DGKB: variants seen among roughly 807,000 people sequenced by gnomAD.
DGKB encodes the protein 90 kDa diacylglycerol kinase.
In DGKB, 67 loss-of-function variants were observed where a neutral mutation model predicts 114.3. That is an observed-to-expected ratio of 0.59 (90% CI 0.48 to 0.72). DGKB has a LOEUF of 0.72. DGKB is among the 30% of genes least tolerant of loss of function. DGKB has a pLI of 0.00. For missense variants in DGKB, 907 were observed against 975.2 expected (o/e 0.93, Z 0.93); for synonymous variants, 398 against 323.1 (o/e 1.23, Z -2.49).
rs532321284 is a variant in DGKB, at chr7:14,537,941, G to A, written c.1770+36271C>T. 1.7e-3 allele frequency among the ~76,000 whole-genome samples: 261 copies of A among 152,084 alleles called. 1 individual carries two copies. Among genetic ancestry groups the A allele is most frequent in the Admixed American group, 3.1e-3 (48 of 15,260 alleles). On this transcript the variant is annotated intron_variant, in intron 20 of 25. Transcript: ENST00000402815. ...ACTAATAATACAAAATTAGCCAGGC[G>A]TGGCGGCGCATGCCTGTAATACCAG...
At chr7:14,613,469 G>C in intron 15 of DGKB, 56 bp from the exon 16 acceptor site, 910 of 817,280 alleles carry the variant, frequency 1.1e-3, no homozygotes, top group Non-Finnish European at 1.6e-3. Context: ...ATATGAAGAA[G>C]ACTCCTTGTT....
chr7:14,634,540 T>G (rs1025695961), intron 13 of DGKB, among the ~76,000 whole-genome samples: 1 of 150,146 alleles, frequency 6.7e-6, no homozygotes, highest in Non-Finnish European at 1.5e-5. Flanking sequence ...AAAAACTGGC[T>G]TGAATAATGT....
At chr7:14,387,162 G>T (rs531209362) in intron 21 of DGKB, among the ~76,000 whole-genome samples, 1 of 151,530 alleles carries the variant, frequency 6.6e-6, no homozygotes, top group Non-Finnish European at 1.5e-5. Flanking sequence ...GGTGGCTCAC[G>T]CCTGTAATCC....
intron 21 of DGKB, among the ~76,000 whole-genome samples, chr7:14,410,354 T>G (rs906324174): frequency 6.6e-6 from 1 of 151,998 alleles, no homozygotes; most frequent in African/African-American, 2.4e-5. Context: ...TTCTATTCAT[T>G]TTTCTCCAAA....
At chr7:14,603,042 A>G (rs1018452733) in intron 17 of DGKB, among the ~76,000 whole-genome samples, 3 of 152,200 alleles carry the variant, frequency 2.0e-5, no homozygotes, top group African/African-American at 7.2e-5. Flanking sequence ...CTAAAGGCCT[A>G]CAATGACTCA....
At chr7:14,572,459 AAG>A (rs1337241065) in intron 20 of DGKB, among the ~76,000 whole-genome samples, 38 of 151,348 alleles carry the variant, frequency 2.5e-4, no homozygotes, top group Non-Finnish European at 8.8e-5. Context: ...CTCAAAAAAA[AAG>A]AAAAAAAAAA....
intron 21 of DGKB, among the ~76,000 whole-genome samples, chr7:14,357,429 C>CTT (rs1035320000): frequency 2.0e-5 from 3 of 151,844 alleles, no homozygotes; most frequent in African/African-American, 7.3e-5. Context: ...CCCTGCTTTA[C>CTT]TTTGCTTTCC....
At chr7:14,528,220 C>G (rs1165899663) in intron 20 of DGKB, among the ~76,000 whole-genome samples, 1 of 152,092 alleles carries the variant, frequency 6.6e-6, no homozygotes, top group East Asian at 1.9e-4. Flanking sequence ...TTCCACTGCA[C>G]TGACAGCTGC....
At chr7:14,582,649 C>G (rs564458176) in intron 18 of DGKB, among the ~76,000 whole-genome samples, 5 of 151,982 alleles carry the variant, frequency 3.3e-5, no homozygotes, top group Non-Finnish European at 5.9e-5. Flanking sequence ...GATAACGATA[C>G]AAATGTATAC....
chr7:14,238,821 T>C (rs1442405543), intron 23 of DGKB, among the ~76,000 whole-genome samples: 2 of 152,088 alleles, frequency 1.3e-5, no homozygotes, highest in East Asian at 3.9e-4. Flanking sequence ...TAGATGCTTA[T>C]TGAAATATCA....
At chr7:14,613,462 T>A in intron 15 of DGKB, 49 bp from the exon 16 acceptor site, 1 of 914,836 alleles carries the variant, frequency 1.1e-6, no homozygotes, top group Non-Finnish European at 1.7e-6. Context: ...CCATTATATA[T>A]GAAGAAGACT....
chr7:14,968,526 A>C (rs1160279615), intron 1 of DGKB, among the ~76,000 whole-genome samples: 1 of 152,130 alleles, frequency 6.6e-6, no homozygotes, highest in East Asian at 1.9e-4. Context: ...TTTCCCATTC[A>C]CTTTCCTGGG....
intron 21 of DGKB, among the ~76,000 whole-genome samples, chr7:14,477,194 T>C (rs1381983079): frequency 6.6e-6 from 1 of 152,216 alleles, no homozygotes; most frequent in Non-Finnish European, 1.5e-5. Context: ...TTTAACAGCA[T>C]TTTATTTATT....
At chr7:14,964,772 A>G (rs1037813409) in intron 1 of DGKB, among the ~76,000 whole-genome samples, 9 of 152,112 alleles carry the variant, frequency 5.9e-5, no homozygotes, top group African/African-American at 2.2e-4. Flanking sequence ...ATGAGATAAG[A>G]TGCAAAAGGG....
chr7:14,277,983 T>A (rs1584890982), intron 23 of DGKB, among the ~76,000 whole-genome samples: 1 of 152,238 alleles, frequency 6.6e-6, no homozygotes, highest in South Asian at 2.1e-4. Context: ...ATGAGGTATC[T>A]CACAGTGGTC....
chr7:14,478,339 T>C (rs1297008107), intron 20 of DGKB, 114 bp from the exon 21 acceptor site: 1 of 648,560 alleles, frequency 1.5e-6, no homozygotes, highest in Non-Finnish European at 2.4e-6. Context: ...TTTACAATAT[T>C]ATTGCCAAGA....
chr7:14,365,929 C>G (rs78523051), intron 21 of DGKB, among the ~76,000 whole-genome samples: 3,898 of 152,124 alleles, frequency 0.026, 76 homozygotes, highest in South Asian at 0.1. Context: ...AATTTGATGA[C>G]AGGTGTGAAC....
chr7:14,887,062 T>C lies in DGKB; in HGVS notation c.-188+15530A>G, dbSNP rs146537541. ...AGCCTTTCAGATTCTCTTGACTAGG[T>C]CAGATAATAGTGTCATATTTAAAAG... On this transcript the variant is annotated intron_variant, in intron 1 of 25. Transcript: ENST00000402815. Among the ~76,000 whole-genome samples the C allele has an allele frequency of 2.2e-3, 341 of 152,008 alleles. 1 individual carries two copies. Among genetic ancestry groups the C allele is most frequent in the African/African-American group, 8.0e-3 (331 of 41,516 alleles).
rs1341458342 is a variant in DGKB at position 14,973,523 on chromosome 7, TTTTG to T, written c.-188+1169_-188+1172del. 5.9e-5 allele frequency among the ~76,000 whole-genome samples: 8 copies of T among 135,222 alleles called. No homozygotes were observed. In the East Asian group the frequency reaches 2.3e-3, roughly 39 times the overall value. The allele number at this position is 135,222 out of a possible 152,430, so 88.7% of individuals were successfully genotyped here. A position where few individuals can be genotyped will look rare whatever the true frequency, so the allele number is the denominator to read the frequency against. ...GTTTTGTTTTGTTTGTTTTTTGTTT[TTTTG>T]TTTTTTTTTTCTTTTTTTTTTCTTT... On this transcript the variant is annotated intron_variant, in intron 1 of 4. Transcript: ENST00000437998.
Sources: allele counts gnomAD v4.1 joint callset (sites outside exome capture counted in the v4.1 genomes callset), GRCh38; gene constraint gnomAD v4.1.1; transcripts MANE v1.5; gene names NCBI Gene and HGNC (gene_info 2026-07-23, HGNC 2026-07-21).